EIF3D: variants seen among roughly 807,000 people sequenced by gnomAD.
EIF3D encodes eukaryotic translation initiation factor 3 subunit D, also known as eIF3 p66.
EIF3D carries 10 observed loss-of-function variants against 75.4 expected under a neutral mutation model. That is an observed-to-expected ratio of 0.13 (90% confidence interval 0.08 to 0.22). The LOEUF is 0.22. EIF3D is among the 10% of genes least tolerant of loss of function. The pLI, the probability that EIF3D is intolerant of heterozygous loss-of-function variation, is 1.00. For synonymous variants in EIF3D, 246 were observed against 248.3 expected (o/e 0.99, Z 0.09); for missense variants, 394 against 708.0 (o/e 0.56, Z 5.03).
intron 5 of EIF3D, 24 bp downstream of exon 5, chr22:36,523,871 G>T (rs781446277): frequency 3.1e-6 from 5 of 1,609,512 alleles, no homozygotes; most frequent in Middle Eastern, 1.7e-4. Flanking sequence ...AGGGTGTCTT[G>T]TTCCAGCAGG....
chr22:36,511,767 C>T lies in EIF3D; in HGVS notation c.1369G>A (p.Val457Met), dbSNP rs774999741. 1.1e-5 allele frequency: 17 copies of T among 1,613,560 alleles called. No individual in the cohort carries two copies. Among genetic ancestry groups the T allele is most frequent in the South Asian group, 2.2e-5 (2 of 91,060 alleles). ...LKLGYVSRYH[V>M]KDSSRHVILG... Reference sequence around the variant, plus strand: ...ATGACGTGGCGTGAGGAGTCTTTCACGTGGTACCGAGACACATAACTAACA... The same window carrying T: ...ATGACGTGGCGTGAGGAGTCTTTCATGTGGTACCGAGACACATAACTAACA... The change falls in exon 14 of 15, where the codon GTG becomes ATG. Residue 457 changes from valine (V) to methionine (M), a missense_variant. Coordinates refer to ENST00000216190, the MANE Select transcript of EIF3D (RefSeq NM_003753.4).
intron 1 of EIF3D, 82 bp from the exon 2 acceptor site, chr22:36,526,213 A>G: frequency 7.1e-7 from 1 of 1,400,854 alleles, no homozygotes; most frequent in Non-Finnish European, 9.4e-7. Flanking sequence ...GTAAGCAAAG[A>G]CATAAATGAT....
At chr22:36,523,540 G>A (rs1451909208) in intron 5 of EIF3D, among the ~76,000 whole-genome samples, 1 of 152,182 alleles carries the variant, frequency 6.6e-6, no homozygotes, top group Non-Finnish European at 1.5e-5. Flanking sequence ...AATCTGGGGT[G>A]TAGTGGCCGC....
At chr22:36,525,055 T>C (rs1396213602) in intron 3 of EIF3D, among the ~76,000 whole-genome samples, 1 of 152,192 alleles carries the variant, frequency 6.6e-6, no homozygotes, top group East Asian at 1.9e-4. Context: ...TATTTATTGC[T>C]AACCACCATC....
chr22:36,526,080 T>C lies in EIF3D; in HGVS notation c.42A>G (p.Ser14=). The C allele has an allele frequency of 6.2e-7, 1 of 1,613,050 alleles. No individual in the cohort carries two copies. Among genetic ancestry groups the C allele is most frequent in the Non-Finnish European group, 8.5e-7 (1 of 1,179,484 alleles). ...FMTPVIQDNP[S]GWGPCAVPEQ... ...CGGGAACCGCACAGGGACCCCAGCC[T>C]GAGGGGTTGTCCTGGATCACGGGTG... The change falls in exon 2 of 15, where the codon TCA becomes TCG. Residue 14 remains serine (S), a synonymous_variant. Coordinates refer to ENST00000216190, the MANE Select transcript of EIF3D (RefSeq NM_003753.4).
intron 1 of EIF3D, among the ~76,000 whole-genome samples, chr22:36,528,225 T>G (rs964799326): frequency 2.0e-5 from 3 of 152,014 alleles, no homozygotes; most frequent in Admixed American, 1.3e-4. Context: ...CTTCTTTCCA[T>G]TATATTACAG....
chr22:36,519,291 C>T, intron 8 of EIF3D, 114 bp downstream of exon 8: 2 of 1,463,322 alleles, frequency 1.4e-6, no homozygotes, highest in Non-Finnish European at 1.9e-6. Flanking sequence ...TGGCAAAGTG[C>T]TTTTACCTAT....
intron 3 of EIF3D, 110 bp from the exon 4 acceptor site, chr22:36,524,842 G>C (rs564968557): frequency 7.1e-7 from 1 of 1,405,862 alleles, no homozygotes; most frequent in East Asian, 2.3e-5. Context: ...TGTAGCATTG[G>C]CTGAAAGCTT....
chr22:36,524,651 T>G lies in EIF3D; in HGVS notation c.251A>C (p.Asp84Ala). 1 of 1,614,180 alleles carries G rather than the reference T, an allele frequency of 6.2e-7. No individual in the cohort carries two copies. Among genetic ancestry groups the G allele is most frequent in the Non-Finnish European group, 8.5e-7 (1 of 1,180,036 alleles). Residue 84 changes from aspartate to alanine, a missense_variant, in exon 4 of 15, where the codon GAT becomes GCT. By Grantham distance (126) the Asp-to-Ala change is moderately radical. Transcript: ENST00000216190. Reference sequence around the variant, plus strand: ...GGCCGTCTTCTGTGTGCGCGCTGTATCCACCAGCTGGAAGCTACTTTCATC... The same window carrying G: ...GGCCGTCTTCTGTGTGCGCGCTGTAGCCACCAGCTGGAAGCTACTTTCATC... ...EEDESSFQLV[D>A]TARTQKTAYQ...
chr22:36,521,238 A>AATGGAGTG (rs141563143), intron 6 of EIF3D, among the ~76,000 whole-genome samples: 13,191 of 152,114 alleles, frequency 0.087, 662 homozygotes, highest in African/African-American at 0.14. Flanking sequence ...TTATTCAATA[A>AATGGAGTG]ATGGAGTGCT....
chr22:36,516,344 A>G, intron 12 of EIF3D, 134 bp downstream of exon 12: 1 of 1,170,482 alleles, frequency 8.5e-7, no homozygotes, highest in Non-Finnish European at 1.2e-6. Context: ...ACAAGACAAA[A>G]AAAAACATCC....
Position 36,510,954 on chromosome 22 carries a change from T to C in EIF3D, c.*33A>G, listed in dbSNP as rs1049091. 9.0e-3 allele frequency: 14,317 copies of C among 1,597,168 alleles called. 976 individuals carry two copies. The Admixed American group carries it at 0.16, about 18-fold the overall frequency. ...GCATCAAAGGCCCTCGTAGTCTCGGTGGAAGGACAAACTCCAGCTCCACAT... is the reference window on the plus strand; with the variant it reads ...GCATCAAAGGCCCTCGTAGTCTCGGCGGAAGGACAAACTCCAGCTCCACAT... On this transcript the variant is annotated 3_prime_UTR_variant, in exon 15 of 15. Transcript: ENST00000216190.
At chr22:36,511,463 A>G in intron 14 of EIF3D, 40 bp downstream of exon 14, 1 of 1,605,822 alleles carries the variant, frequency 6.2e-7, no homozygotes, top group Non-Finnish European at 8.5e-7. Flanking sequence ...GTGCTAGCCC[A>G]CAGATCACTC....
intron 1 of EIF3D, chr22:36,528,713 C>G (rs1463648617): frequency 6.6e-6 from 1 of 152,492 alleles, no homozygotes; most frequent in Non-Finnish European, 1.5e-5. Flanking sequence ...GGGCCAAACA[C>G]CGCTCAGCCT....
At chr22:36,528,803 A>C (rs1244614951) in intron 1 of EIF3D, 1 of 154,058 alleles carries the variant, frequency 6.5e-6, no homozygotes, top group Non-Finnish European at 1.4e-5. Context: ...CCTCCGTCTT[A>C]ACCCAGGTGA....
chr22:36,517,199 C>G, intron 10 of EIF3D, 102 bp downstream of exon 10: 2 of 1,515,280 alleles, frequency 1.3e-6, no homozygotes, highest in Non-Finnish European at 1.8e-6. Context: ...TGCGTCTGAC[C>G]TGCTCAGTCC....
In EIF3D at chr22:36,520,559, TA is replaced by T; in HGVS notation, c.578+16del. ...CACATAAGAGCAGTGTAGAAAGTAG[TA>T]AAAGATGCTGCTTACATGTCCTGTG... On this transcript the variant is annotated intron_variant, in intron 7 of 14. Coordinates refer to ENST00000216190, the MANE Select transcript of EIF3D (RefSeq NM_003753.4). 1.3e-6 allele frequency: 2 copies of T among 1,576,280 alleles called. No homozygotes were observed. The highest frequency in any genetic ancestry group is 1.7e-6 in the Non-Finnish European group (2 of 1,146,220).
At chr22:36,520,242 C>T (rs987704512) in intron 7 of EIF3D, among the ~76,000 whole-genome samples, 7 of 151,962 alleles carry the variant, frequency 4.6e-5, no homozygotes, top group Admixed American at 3.9e-4. Flanking sequence ...CTGCAACCTC[C>T]ACCTCCAGGG....
intron 12 of EIF3D, among the ~76,000 whole-genome samples, chr22:36,515,712 C>T (rs546237746): frequency 3.9e-5 from 6 of 152,186 alleles, no homozygotes; most frequent in South Asian, 2.1e-4. Context: ...CCAGCAAAGA[C>T]GACATGCAAA....
Sources: gnomAD v4.1 joint callset for allele counts (sites outside exome capture counted in the v4.1 genomes callset) on GRCh38, gnomAD v4.1.1 for gene constraint, MANE v1.5 for transcripts, NCBI Gene and HGNC (gene_info 2026-07-23, HGNC 2026-07-21) for gene names.